SEPTIN11: variants seen among roughly 807,000 people sequenced by gnomAD.
SEPTIN11 encodes the protein septin 11, also known as septin-11.
In SEPTIN11, 25 loss-of-function variants were observed where a neutral mutation model predicts 51.4. That is an observed-to-expected ratio of 0.49 (90% CI 0.35 to 0.68). SEPTIN11 has a LOEUF of 0.68. SEPTIN11 is among the 30% of genes least tolerant of loss of function. SEPTIN11 has a pLI of 0.00. For missense variants in SEPTIN11, 381 were observed against 520.8 expected (o/e 0.73, Z 2.61); for synonymous variants, 174 against 184.1 (o/e 0.95, Z 0.44).
At chr4:77,009,329 T>A (rs2109953209) in intron 3 of SEPTIN11, among the ~76,000 whole-genome samples, 1 of 152,272 alleles carries the variant, frequency 6.6e-6, no homozygotes, top group Middle Eastern at 3.4e-3. Context: ...TTTGGACATA[T>A]TTAGTTGGAG....
rs538291847 is a variant in SEPTIN11, at chr4:76,952,011, C to G, written c.27+2081C>G. 5.9e-4 allele frequency among the ~76,000 whole-genome samples: 90 copies of G among 152,320 alleles called. 1 individual carries two copies. In the South Asian group the frequency reaches 0.017, roughly 28 times the overall value. On this transcript the variant is annotated intron_variant, in intron 1 of 9. Transcript: ENST00000264893. Reference sequence around the variant, plus strand: ...AGACAGAAGACTTTTCTTTTGGAAACCTAATGTACGAGTGATTAGGAATTG... The same window carrying G: ...AGACAGAAGACTTTTCTTTTGGAAAGCTAATGTACGAGTGATTAGGAATTG...
chr4:76,950,858 A>G (rs1183431343), intron 1 of SEPTIN11, among the ~76,000 whole-genome samples: 1 of 152,062 alleles, frequency 6.6e-6, no homozygotes, highest in Non-Finnish European at 1.5e-5. Flanking sequence ...CTTTTTTTTG[A>G]AAGGAGCGGA....
At chr4:76,970,722 A>G (rs1024891377) in intron 1 of SEPTIN11, among the ~76,000 whole-genome samples, 3 of 152,218 alleles carry the variant, frequency 2.0e-5, no homozygotes, top group South Asian at 2.1e-4. Context: ...ATTTACTCCT[A>G]TCAATCAGAA....
chr4:77,016,617 T>TATATATATATACACAC (rs1725273562), intron 5 of SEPTIN11, among the ~76,000 whole-genome samples: 1 of 48,392 alleles, frequency 2.1e-5, no homozygotes, highest in South Asian at 8.1e-4. Flanking sequence ...TATATACACA[T>TATATATATATACACAC]ATATATATAT....
At position 76,965,475 on chromosome 4, in the gene SEPTIN11, T is replaced by C. The variant is rs1722000819; in HGVS notation, c.27+15545T>C. 1.3e-5 allele frequency among the ~76,000 whole-genome samples: 2 copies of C among 151,658 alleles called. 1 individual carries two copies. Among genetic ancestry groups the C allele is most frequent in the African/African-American group, 4.8e-5 (2 of 41,308 alleles). On this transcript the variant is annotated intron_variant, in intron 1 of 9. Coordinates refer to ENST00000264893, the MANE Select transcript of SEPTIN11 (RefSeq NM_018243.4). ...CAAAAAAAAAAAAAAAAGGAGTCAT[T>C]TATCAAATTTTGTCTTTTGGGCTTA...
Position 77,034,692 on chromosome 4 carries a change from C to A in SEPTIN11, c.*180C>A. On this transcript the variant is annotated 3_prime_UTR_variant, in exon 10 of 10. Coordinates refer to ENST00000264893, the MANE Select transcript of SEPTIN11 (RefSeq NM_018243.4). The stretch of plus-strand genomic sequence containing the variant: ...TGTTGGGTGGTAGAAAATGATAGAA[C>A]AAGGGAATAACCGCGAATGCTCTGT... 7.6e-7 allele frequency: 1 copy of A among 1,319,150 alleles called. No individual in the cohort carries two copies. The highest frequency in any genetic ancestry group is 9.7e-7 in the Non-Finnish European group (1 of 1,032,782). 81.7% of individuals were successfully genotyped at this position (1,319,150 alleles called of 1,614,324 possible). A position where few individuals can be genotyped will look rare whatever the true frequency, so the allele number is the denominator to read the frequency against.
chr4:77,007,558 A>C (rs1037592948), intron 3 of SEPTIN11, among the ~76,000 whole-genome samples: 1 of 152,200 alleles, frequency 6.6e-6, no homozygotes, highest in Non-Finnish European at 1.5e-5. Flanking sequence ...ACTCAGCAGC[A>C]AACAGTTAGC....
intron 1 of SEPTIN11, among the ~76,000 whole-genome samples, chr4:76,976,022 C>G (rs1722484296): frequency 6.6e-6 from 1 of 152,100 alleles, no homozygotes; most frequent in Non-Finnish European, 1.5e-5. Context: ...CACAGGATAC[C>G]ATGGGGCTTC....
chr4:77,005,739 T>C lies in SEPTIN11; in HGVS notation c.281T>C (p.Leu94Pro), dbSNP rs1487868536. Residue 94 changes from leucine to proline, a missense_variant, in exon 3 of 10, where the codon CTG becomes CCG. This residue lies in a region of SEPTIN11 where 184 missense variants were observed against 207.7 expected (regional missense o/e 0.89). Coordinates refer to ENST00000264893, the MANE Select transcript of SEPTIN11 (RefSeq NM_018243.4). The part of the protein sequence containing the change: ...SYELQESNVR[L>P]KLTIVDTVGF... ...GAGCTTCAGGAAAGCAATGTACGGC[T>C]GAAGTTAACCATTGTTGACACCGTG... is the stretch of plus-strand genomic sequence containing the variant. The C allele has an allele frequency of 1.2e-6, 2 of 1,613,936 alleles. No individual in the cohort carries two copies. Among genetic ancestry groups the C allele is most frequent in the Non-Finnish European group, 1.7e-6 (2 of 1,179,952 alleles).
At chr4:77,022,588 T>G (rs1238071949) in intron 7 of SEPTIN11, among the ~76,000 whole-genome samples, 1 of 152,184 alleles carries the variant, frequency 6.6e-6, no homozygotes, top group Non-Finnish European at 1.5e-5. Context: ...AAACTTCATT[T>G]ACAAAAACAG....
At chr4:77,026,291 A>C (rs553900205) in intron 7 of SEPTIN11, among the ~76,000 whole-genome samples, 1 of 152,314 alleles carries the variant, frequency 6.6e-6, no homozygotes, top group East Asian at 1.9e-4. Context: ...TCTTTTACTG[A>C]AGGGCTACTC....
At chr4:77,031,083 A>G (rs1726594685) in intron 9 of SEPTIN11, 113 bp downstream of exon 9, 1 of 1,012,010 alleles carries the variant, frequency 9.9e-7, no homozygotes, top group Non-Finnish European at 1.4e-6. Context: ...GAAAGATAAA[A>G]GCAAGTATTT....
intron 1 of SEPTIN11, chr4:76,972,383 G>A (rs1012413078): frequency 1.3e-5 from 2 of 152,140 alleles, no homozygotes; most frequent in African/African-American, 2.4e-5. Context: ...TTTGCTTGGT[G>A]GTTTAGAAGG....
Position 77,038,090 on chromosome 4 carries a change from C to T in SEPTIN11, c.*3578C>T, listed in dbSNP as rs763983219. ...GTCCATTCCCACCCCTTTGCTTTGC[C>T]ATTTGCAAGAGTCTGGAATTGTCAG... On this transcript the variant is annotated 3_prime_UTR_variant, in exon 10 of 10. Coordinates refer to ENST00000264893, the MANE Select transcript of SEPTIN11 (RefSeq NM_018243.4). 5.1e-6 allele frequency: 5 copies of T among 985,898 alleles called. No individual in the cohort carries two copies. The highest frequency in any genetic ancestry group is 6.0e-6 in the Non-Finnish European group (5 of 829,958). The allele number at this position is 985,898 out of a possible 1,614,324, so 61.1% of individuals were successfully genotyped here. A position where few individuals can be genotyped will look rare whatever the true frequency, so the allele number is the denominator to read the frequency against.
chr4:76,958,950 G>A, intron 1 of SEPTIN11: 2 of 1,131,824 alleles, frequency 1.8e-6, no homozygotes, highest in Non-Finnish European at 2.7e-6. Context: ...TGGAATGTTG[G>A]CATGCATTTG....
At chr4:76,991,160 A>T (rs2279713) in intron 1 of SEPTIN11, among the ~76,000 whole-genome samples, 79,470 of 151,834 alleles carry the variant, frequency 0.52, 21,641 homozygotes, top group Middle Eastern at 0.62. Context: ...CTTCCTCCCA[A>T]CTACTGTAGG....
intron 2 of SEPTIN11, among the ~76,000 whole-genome samples, chr4:77,000,881 T>C (rs1373181967): frequency 6.6e-6 from 1 of 152,180 alleles, no homozygotes; most frequent in Non-Finnish European, 1.5e-5. Context: ...TTTCTGACTC[T>C]CTGATTCCAT....
At chr4:77,031,869 A>T (rs1170851196) in intron 9 of SEPTIN11, 1 of 152,182 alleles carries the variant, frequency 6.6e-6, no homozygotes, top group East Asian at 1.9e-4. Flanking sequence ...ATTTAATATA[A>T]AGCAACTCAG....
At chr4:77,026,716 T>C (rs551848861) in intron 7 of SEPTIN11, among the ~76,000 whole-genome samples, 3 of 152,208 alleles carry the variant, frequency 2.0e-5, no homozygotes, top group Non-Finnish European at 2.9e-5. Context: ...GAGGGAGATA[T>C]ATTCATTATT....
Sources: gnomAD v4.1 joint callset for allele counts (sites outside exome capture counted in the v4.1 genomes callset) on GRCh38, gnomAD v4.1.1 for gene constraint, gnomAD v4.1.1 regional missense constraint, MANE v1.5 for transcripts, NCBI Gene and HGNC (gene_info 2026-07-23, HGNC 2026-07-21) for gene names.